Variants in SAMMSON observed in about 807,000 individuals in gnomAD.
SAMMSON encodes survival associated mitochondrial melanoma specific oncogenic non-coding RNA.
intron 2 of SAMMSON, among the ~76,000 whole-genome samples, chr3:70,419,050 G>C (rs1370358024): frequency 2.1e-5 from 3 of 140,380 alleles, no homozygotes; most frequent in Non-Finnish European, 4.6e-5. Context: ...CTTTCACAGG[G>C]ATCTCACTCT....
chr3:70,113,778 A>C (rs1166809893), intron 4 of SAMMSON, among the ~76,000 whole-genome samples: 1 of 152,114 alleles, frequency 6.6e-6, no homozygotes, highest in Non-Finnish European at 1.5e-5. Context: ...GGAAATAATT[A>C]GGTTTAGATG....
intron 7 of SAMMSON, among the ~76,000 whole-genome samples, chr3:70,321,282 ATCTTTTTG>A (rs1272908269): frequency 6.6e-6 from 1 of 151,952 alleles, no homozygotes; most frequent in African/African-American, 2.4e-5. Flanking sequence ...GCAAACACTA[ATCTTTTTG>A]TCTTTTCCTA....
At chr3:70,331,640 T>G (rs958431166) in intron 7 of SAMMSON, among the ~76,000 whole-genome samples, 1 of 152,202 alleles carries the variant, frequency 6.6e-6, no homozygotes, top group African/African-American at 2.4e-5. Flanking sequence ...TAAAATATGA[T>G]TCACCTATTT....
chr3:70,198,332 T>C (rs955189482), intron 4 of SAMMSON, among the ~76,000 whole-genome samples: 1 of 152,084 alleles, frequency 6.6e-6, no homozygotes, highest in Non-Finnish European at 1.5e-5. Flanking sequence ...CAATGGGGAG[T>C]ATATAAGCAT....
intron 3 of SAMMSON, among the ~76,000 whole-genome samples, chr3:70,016,685 G>C (rs1314889869): frequency 6.6e-6 from 1 of 152,176 alleles, no homozygotes; most frequent in Non-Finnish European, 1.5e-5. Context: ...GAATGGTATT[G>C]CTTAGATTTT....
intron 4 of SAMMSON, among the ~76,000 whole-genome samples, chr3:70,247,789 T>C (rs890960959): frequency 2.6e-5 from 4 of 151,820 alleles, no homozygotes; most frequent in Non-Finnish European, 5.9e-5. Flanking sequence ...TAAAGGAAGA[T>C]TCAAGGTTTC....
chr3:70,320,444 G>A (rs1037565554), intron 7 of SAMMSON, among the ~76,000 whole-genome samples: 8 of 152,070 alleles, frequency 5.3e-5, no homozygotes, highest in African/African-American at 1.9e-4. Flanking sequence ...CAGCAGAAAT[G>A]TGGGGTCAAA....
chr3:70,193,249 G>C (rs945648934), intron 4 of SAMMSON, among the ~76,000 whole-genome samples: 2 of 152,108 alleles, frequency 1.3e-5, no homozygotes, highest in Non-Finnish European at 2.9e-5. Flanking sequence ...GAGCAATTCA[G>C]ACCTCTGTTG....
At chr3:70,400,319 T>C (rs375561546) in intron 2 of SAMMSON, among the ~76,000 whole-genome samples, 1 of 152,254 alleles carries the variant, frequency 6.6e-6, no homozygotes. Context: ...TGCAGGTGGA[T>C]CCCTCATGAA....
At chr3:70,134,413 G>C (rs1213950742) in intron 4 of SAMMSON, among the ~76,000 whole-genome samples, 1 of 149,552 alleles carries the variant, frequency 6.7e-6, no homozygotes. Context: ...AAAGTGTTAA[G>C]TACTACTTGG....
intron 7 of SAMMSON, among the ~76,000 whole-genome samples, chr3:70,351,292 A>G (rs1160255878): frequency 2.0e-5 from 3 of 152,188 alleles, no homozygotes; most frequent in African/African-American, 7.2e-5. Flanking sequence ...TTTTATGAAT[A>G]AATACCTGGA....
chr3:70,136,108 G>T (rs1359025355), intron 4 of SAMMSON, among the ~76,000 whole-genome samples: 3 of 152,068 alleles, frequency 2.0e-5, no homozygotes, highest in Non-Finnish European at 4.4e-5. Context: ...TAGATTTAAG[G>T]CCATGCCCAT....
chr3:70,334,168 A>T (rs566728704), intron 7 of SAMMSON, among the ~76,000 whole-genome samples: 96 of 152,330 alleles, frequency 6.3e-4, no homozygotes, highest in Middle Eastern at 3.4e-3. Context: ...TAACATAGTT[A>T]TGCAAGCAGC....
At chr3:70,063,059 C>G (rs1400502968) in intron 3 of SAMMSON, among the ~76,000 whole-genome samples, 1 of 152,012 alleles carries the variant, frequency 6.6e-6, no homozygotes, top group African/African-American at 2.4e-5. Context: ...GCTTTGTCTG[C>G]AGGGACCCTC....
At chr3:70,080,513 G>A (rs1258104596) in intron 4 of SAMMSON, among the ~76,000 whole-genome samples, 1 of 152,134 alleles carries the variant, frequency 6.6e-6, no homozygotes, top group Non-Finnish European at 1.5e-5. Context: ...GATCACTCCT[G>A]TGCCTTTGTA....
chr3:70,195,323 C>G (rs1178173726), intron 4 of SAMMSON, among the ~76,000 whole-genome samples: 1 of 152,120 alleles, frequency 6.6e-6, no homozygotes, highest in African/African-American at 2.4e-5. Context: ...GGGGCACTTT[C>G]ATGCTCCGTG....
At chr3:70,244,439 T>G (rs903483059) in intron 4 of SAMMSON, among the ~76,000 whole-genome samples, 4 of 152,188 alleles carry the variant, frequency 2.6e-5, no homozygotes, top group Non-Finnish European at 4.4e-5. Context: ...TAAAATAACA[T>G]GTAAAGGAAC....
intron 2 of SAMMSON, among the ~76,000 whole-genome samples, chr3:70,404,602 A>G (rs1333789713): frequency 2.0e-5 from 3 of 152,208 alleles, no homozygotes; most frequent in Non-Finnish European, 4.4e-5. Context: ...GCTTCTGAGC[A>G]TGATGGAGTA....
At chr3:70,285,455 C>A (rs1702151058) in intron 6 of SAMMSON, among the ~76,000 whole-genome samples, 1 of 151,920 alleles carries the variant, frequency 6.6e-6, no homozygotes, top group African/African-American at 2.4e-5. Context: ...TCCAGTCTAT[C>A]ATTGTTGGAC....
Sources: allele counts gnomAD v4.1 joint callset (sites outside exome capture counted in the v4.1 genomes callset), GRCh38; gene constraint gnomAD v4.1.1; transcripts MANE v1.5; gene names NCBI Gene and HGNC (gene_info 2026-07-23, HGNC 2026-07-21).